HDAC9: variants seen among roughly 807,000 people sequenced by gnomAD.
HDAC9 encodes the protein MEF-2 interacting transcription repressor (MITR) protein.
In HDAC9, 41 loss-of-function variants were observed where a neutral mutation model predicts 139.4. The observed-to-expected ratio is 0.29, with a 90% CI of 0.23 to 0.38. The LOEUF is 0.38. Ranked by LOEUF, HDAC9 falls within the 10% of genes least tolerant of loss-of-function variation. HDAC9 has a pLI of 1.00. For synonymous variants in HDAC9, 517 were observed against 476.2 expected (o/e 1.09, Z -1.12); for missense variants, 1,147 against 1,297.0 (o/e 0.88, Z 1.78).
intron 6 of HDAC9, among the ~76,000 whole-genome samples, chr7:18,625,482 C>A (rs1841431135): frequency 6.6e-6 from 1 of 152,178 alleles, no homozygotes; most frequent in South Asian, 2.1e-4. Flanking sequence ...TTGGCAGTAC[C>A]CCTGGCCTGT....
chr7:18,801,899 G>T (rs1011836475), intron 17 of HDAC9, among the ~76,000 whole-genome samples: 5 of 151,952 alleles, frequency 3.3e-5, no homozygotes, highest in African/African-American at 7.2e-5. Context: ...TTCAATGTTT[G>T]CAGGAGCTTT....
chr7:18,880,916 T>C (rs1410972529), intron 22 of HDAC9, among the ~76,000 whole-genome samples: 1 of 151,976 alleles, frequency 6.6e-6, no homozygotes, highest in Non-Finnish European at 1.5e-5. Context: ...AAAATTGTAT[T>C]TCTTTTCAGT....
intron 22 of HDAC9, among the ~76,000 whole-genome samples, chr7:18,902,488 TA>T (rs573846093): frequency 5.9e-5 from 9 of 152,164 alleles, no homozygotes; most frequent in Admixed American, 5.9e-4. Flanking sequence ...AGTATGTGAG[TA>T]AAAAAGATTT....
At chr7:18,713,694 T>G (rs905187800) in intron 12 of HDAC9, among the ~76,000 whole-genome samples, 3 of 152,102 alleles carry the variant, frequency 2.0e-5, no homozygotes, top group African/African-American at 7.2e-5. Context: ...AATCAACATG[T>G]GCATAATTCT....
intron 6 of HDAC9, among the ~76,000 whole-genome samples, chr7:18,599,819 G>T (rs1350532569): frequency 6.6e-6 from 1 of 152,022 alleles, no homozygotes; most frequent in African/African-American, 2.4e-5. Flanking sequence ...ACATTAACTG[G>T]ATCATGTGGT....
intron 11 of HDAC9, among the ~76,000 whole-genome samples, chr7:18,655,406 T>C (rs1790783721): frequency 6.6e-6 from 1 of 152,182 alleles, no homozygotes; most frequent in African/African-American, 2.4e-5. Flanking sequence ...AACTTTGACG[T>C]TACCCTTAAA....
chr7:18,823,100 C>G (rs1389323812), intron 17 of HDAC9, among the ~76,000 whole-genome samples: 1 of 152,102 alleles, frequency 6.6e-6, no homozygotes, highest in Non-Finnish European at 1.5e-5. Context: ...GTGAGATGTC[C>G]TTGAATAGGT....
At chr7:18,614,416 C>G (rs577020486) in intron 6 of HDAC9, among the ~76,000 whole-genome samples, 7 of 152,234 alleles carry the variant, frequency 4.6e-5, no homozygotes, top group African/African-American at 1.7e-4. Context: ...TTGTTGTGTT[C>G]TTTTGTCCAC....
rs539336639 is a variant in HDAC9, at chr7:18,320,791, G to A, written c.-42+30276G>A. On this transcript the variant is annotated intron_variant, in intron 1 of 3. Coordinates refer to the HDAC9 transcript ENST00000413509. ...ACCCCAGTTGTCACAATAGTGTTGT[G>A]GAAAGAGCACTGGGCCGGGGGTAGA... 2.0e-5 allele frequency among the ~76,000 whole-genome samples: 3 copies of A among 152,226 alleles called. No homozygotes were observed. In the East Asian group the frequency reaches 5.8e-4, roughly 30 times the overall value.
intron 11 of HDAC9, among the ~76,000 whole-genome samples, chr7:18,656,395 G>A (rs556084306): frequency 6.6e-6 from 1 of 152,098 alleles, no homozygotes; most frequent in South Asian, 2.1e-4. Flanking sequence ...AATAAAGAAG[G>A]CATGTTCTTT....
chr7:18,152,956 T>A (rs1308624502), intron 1 of HDAC9, among the ~76,000 whole-genome samples: 1 of 152,112 alleles, frequency 6.6e-6, no homozygotes, highest in Non-Finnish European at 1.5e-5. Flanking sequence ...CACAAGGAAG[T>A]TTCTGTAGAC....
chr7:18,680,022 A>G (rs543053710), intron 12 of HDAC9, among the ~76,000 whole-genome samples: 43 of 152,084 alleles, frequency 2.8e-4, no homozygotes, highest in African/African-American at 1.0e-3. Context: ...GACAATTACT[A>G]TGGCATAGTT....
intron 2 of HDAC9, among the ~76,000 whole-genome samples, chr7:18,543,826 G>A (rs1813798374): frequency 6.6e-6 from 1 of 150,406 alleles, no homozygotes; most frequent in African/African-American, 2.5e-5. Context: ...TGAGGGACAA[G>A]CATTCTAATT....
At chr7:18,515,963 T>G (rs951257134) in intron 2 of HDAC9, among the ~76,000 whole-genome samples, 1 of 152,222 alleles carries the variant, frequency 6.6e-6, no homozygotes, top group Admixed American at 6.5e-5. Flanking sequence ...TTTTAAAACT[T>G]AAAGGGAAGA....
chr7:18,671,693 A>C (rs1795686179), intron 12 of HDAC9, among the ~76,000 whole-genome samples: 1 of 151,970 alleles, frequency 6.6e-6, no homozygotes, highest in African/African-American at 2.4e-5. Context: ...CAACTCAAAA[A>C]AAAATCTTGT....
intron 1 of HDAC9, among the ~76,000 whole-genome samples, chr7:18,319,049 C>G (rs1799848980): frequency 6.6e-6 from 1 of 152,150 alleles, no homozygotes; most frequent in Non-Finnish European, 1.5e-5. Flanking sequence ...AGCACTGATA[C>G]AAACAAACGT....
intron 1 of HDAC9, among the ~76,000 whole-genome samples, chr7:18,401,716 C>A (rs927138706): frequency 3.0e-4 from 46 of 152,124 alleles, no homozygotes; most frequent in Middle Eastern, 3.2e-3. Context: ...CTAGTCCTAG[C>A]CTCGTTTTTA....
At chr7:18,948,907 C>G in intron 23 of HDAC9, 1 of 305,168 alleles carries the variant, frequency 3.3e-6, no homozygotes, top group South Asian at 3.6e-5. Flanking sequence ...AAGGAGACTT[C>G]TTGCTCCACT....
chr7:18,997,101 T>G lies in HDAC9; in HGVS notation c.*1039T>G, dbSNP rs1384757665. The G allele has an allele frequency of 6.6e-6, 1 of 152,178 alleles. No homozygotes were observed. Among genetic ancestry groups the G allele is most frequent in the Non-Finnish European group, 1.5e-5 (1 of 68,022 alleles). The allele number at this position is 152,178 out of a possible 1,614,324, so 9.4% of individuals were successfully genotyped here. On this transcript the variant is annotated 3_prime_UTR_variant, in exon 26 of 26. Transcript: ENST00000686413. Reference sequence around the variant, plus strand: ...CCTCTTATTACTTGAGGGCCTTGACTATTTAGTTTATTTTGTTTACTTTAC... The same window carrying G: ...CCTCTTATTACTTGAGGGCCTTGACGATTTAGTTTATTTTGTTTACTTTAC...
Sources: allele counts gnomAD v4.1 joint callset (sites outside exome capture counted in the v4.1 genomes callset), GRCh38; gene constraint gnomAD v4.1.1; transcripts MANE v1.5; gene names NCBI Gene and HGNC (gene_info 2026-07-23, HGNC 2026-07-21).